Variants in NDUFA9 observed in about 807,000 individuals in gnomAD.
NDUFA9 encodes NADH dehydrogenase [ubiquinone] 1 alpha subcomplex subunit 9, mitochondrial.
Under a neutral mutation model 45.9 loss-of-function variants are expected in NDUFA9, and 23 were observed. That is an observed-to-expected ratio of 0.50 (90% CI 0.36 to 0.71). NDUFA9 has a LOEUF of 0.71. Among genes scored for constraint, NDUFA9 ranks in the 30% least tolerant of loss-of-function variants. The pLI, the probability that NDUFA9 is intolerant of heterozygous loss-of-function variation, is 0.00. For synonymous variants in NDUFA9, 176 were observed against 170.5 expected, an observed-to-expected ratio of 1.03 and a Z score of -0.25; for missense variants, 466 against 488.2, an observed-to-expected ratio of 0.95 and a Z score of 0.43.
chr12:4,649,422 C>T (rs367906308), intron 1 of NDUFA9, among the ~76,000 whole-genome samples: 28 of 151,324 alleles, frequency 1.9e-4, no homozygotes, highest in African/African-American at 6.1e-4. Context: ...GAGGAGAATG[C>T]GGGGGACACG....
At chr12:4,668,588 G>A in intron 7 of NDUFA9, 64 bp downstream of exon 7, 1 of 1,427,476 alleles carries the variant, frequency 7.0e-7, no homozygotes, top group Non-Finnish European at 9.9e-7. Context: ...GAGTGATCAA[G>A]TTTCTGGTTT....
At chr12:4,685,477 C>A in intron 10 of NDUFA9, 152 bp downstream of exon 10, 1 of 665,904 alleles carries the variant, frequency 1.5e-6, no homozygotes, top group Admixed American at 2.9e-5. Context: ...GCTCATCCAC[C>A]TGCCCTGCTC....
At chr12:4,653,657 G>T in intron 1 of NDUFA9, 1 of 441,468 alleles carries the variant, frequency 2.3e-6, no homozygotes, top group Non-Finnish European at 4.5e-6. Flanking sequence ...CATTATTTGT[G>T]ATGTTCTTCA....
chr12:4,668,428 A>C (rs1208555501), intron 6 of NDUFA9, 29 bp from the exon 7 acceptor site: 16 of 1,575,448 alleles, frequency 1.0e-5, no homozygotes, highest in Non-Finnish European at 1.3e-5. Flanking sequence ...AAGCCTTCTC[A>C]GTATAGTTCT....
intron 8 of NDUFA9, among the ~76,000 whole-genome samples, chr12:4,673,207 G>C (rs1945898350): frequency 6.6e-6 from 1 of 152,188 alleles, no homozygotes; most frequent in African/African-American, 2.4e-5. Flanking sequence ...AGAGACCCCA[G>C]CCGAAGGTCA....
chr12:4,672,750 C>G (rs958425782), intron 8 of NDUFA9, among the ~76,000 whole-genome samples: 2 of 152,206 alleles, frequency 1.3e-5, no homozygotes, highest in Non-Finnish European at 1.5e-5. Flanking sequence ...ATAGATAAAA[C>G]CCCCACCATC....
chr12:4,658,380 A>G (rs571358437), intron 4 of NDUFA9, among the ~76,000 whole-genome samples: 306 of 152,214 alleles, frequency 2.0e-3, no homozygotes, highest in Non-Finnish European at 3.5e-3. Context: ...CTCATCAAAT[A>G]TTTTATAAAT....
chr12:4,650,586 T>G (rs1258409526), intron 1 of NDUFA9, among the ~76,000 whole-genome samples: 1 of 152,226 alleles, frequency 6.6e-6, no homozygotes, highest in Non-Finnish European at 1.5e-5. Context: ...GCAAGTCTAG[T>G]ATGTAACATA....
rs1244192897 is a variant in NDUFA9 at position 4,693,247 on chromosome 12, C to T, written c.*6139C>T. On this transcript the variant is annotated 3_prime_UTR_variant, in exon 11 of 11. Coordinates refer to ENST00000266544, the MANE Select transcript of NDUFA9 (RefSeq NM_005002.5). ...GAATGAGGTGGGAAGTCTTTCTTTA[C>T]ACTTAGATGAAAACTCCATCGGACC... is the stretch of plus-strand genomic sequence containing the variant. 6.6e-6 allele frequency: 1 copy of T among 152,216 alleles called. No homozygotes were observed. Among genetic ancestry groups the T allele is most frequent in the Non-Finnish European group, 1.5e-5 (1 of 68,050 alleles). 9.4% of individuals were successfully genotyped at this position (152,216 alleles called of 1,614,324 possible).
intron 5 of NDUFA9, among the ~76,000 whole-genome samples, chr12:4,659,890 C>G (rs977851022): frequency 1.3e-5 from 2 of 152,186 alleles, no homozygotes; most frequent in African/African-American, 4.8e-5. Context: ...ACTGGATAAA[C>G]TATTCATTAA....
chr12:4,673,968 T>C (rs1402306709), intron 8 of NDUFA9, among the ~76,000 whole-genome samples: 1 of 152,192 alleles, frequency 6.6e-6, no homozygotes, highest in Non-Finnish European at 1.5e-5. Context: ...ACAGTGGATC[T>C]CTCAGCAGAA....
chr12:4,673,608 T>G (rs1281517164), intron 8 of NDUFA9, among the ~76,000 whole-genome samples: 1 of 126,908 alleles, frequency 7.9e-6, no homozygotes. Flanking sequence ...CGAAATAAAG[T>G]GAAAAGACAA....
intron 1 of NDUFA9, chr12:4,653,636 A>C (rs1335194534): frequency 2.2e-6 from 1 of 450,094 alleles, no homozygotes; most frequent in Non-Finnish European, 4.4e-6. Flanking sequence ...CAAGCACTTC[A>C]CTCCTTTTAT....
At chr12:4,682,134 T>C (rs1487422455) in intron 8 of NDUFA9, 71 bp from the exon 9 acceptor site, 1 of 1,158,818 alleles carries the variant, frequency 8.6e-7, no homozygotes, top group African/African-American at 1.5e-5. Context: ...ATAAGGAAAA[T>C]GTTATTTTGT....
At chr12:4,681,863 A>G (rs1945954573) in intron 8 of NDUFA9, among the ~76,000 whole-genome samples, 1 of 152,076 alleles carries the variant, frequency 6.6e-6, no homozygotes, top group African/African-American at 2.4e-5. Context: ...AATAATTGTG[A>G]TTACATGCAG....
In NDUFA9 at chr12:4,659,226, T is replaced by G. The variant is rs759503744; in HGVS notation, c.552+49T>G. 4.2e-5 allele frequency: 63 copies of G among 1,514,950 alleles called. No homozygotes were observed. The African/African-American group carries it at 8.3e-4, about 20-fold the overall frequency. 93.8% of individuals were successfully genotyped at this position (1,514,950 alleles called of 1,614,324 possible). A position where few individuals can be genotyped will look rare whatever the true frequency, so the allele number is the denominator to read the frequency against. On this transcript the variant is annotated intron_variant, in intron 5 of 10. Coordinates refer to ENST00000266544, the MANE Select transcript of NDUFA9 (RefSeq NM_005002.5). The stretch of plus-strand genomic sequence containing the variant: ...AGTGGTTCACAGAGCCAGAGTTTCT[T>G]GGGCCATTTGAAACATGATTTCAGT...
chr12:4,677,379 A>G (rs1284731142), intron 8 of NDUFA9, among the ~76,000 whole-genome samples: 4 of 152,254 alleles, frequency 2.6e-5, no homozygotes, highest in Non-Finnish European at 5.9e-5. Context: ...ACAGAATGGG[A>G]GAAAATTTTT....
intron 8 of NDUFA9, among the ~76,000 whole-genome samples, chr12:4,679,420 G>A (rs1286893975): frequency 6.6e-6 from 1 of 152,194 alleles, no homozygotes; most frequent in Admixed American, 6.6e-5. Context: ...ATAGTGAATA[G>A]CATGGGTAAG....
chr12:4,651,151 A>G (rs35167443), intron 1 of NDUFA9, among the ~76,000 whole-genome samples: 31,014 of 152,122 alleles, frequency 0.2, 3,827 homozygotes, highest in Middle Eastern at 0.37. Context: ...TTTTTAAATA[A>G]ATACTTAAAA....
Sources: gnomAD v4.1 joint callset for allele counts (sites outside exome capture counted in the v4.1 genomes callset) on GRCh38, gnomAD v4.1.1 for gene constraint, MANE v1.5 for transcripts, NCBI Gene and HGNC (gene_info 2026-07-23, HGNC 2026-07-21) for gene names.